The following PRKACB variants were observed in gnomAD, a reference collection of about 807,000 sequenced individuals.
PRKACB encodes protein kinase cAMP-activated catalytic subunit beta.
In PRKACB, 16 loss-of-function variants were observed where a neutral mutation model predicts 51.4. That is an observed-to-expected ratio of 0.31 (90% CI 0.21 to 0.47). PRKACB has a LOEUF of 0.47. Ranked by LOEUF, PRKACB falls within the 20% of genes least tolerant of loss-of-function variation. PRKACB has a pLI of 1.00. For synonymous variants in PRKACB, 147 were observed against 154.4 expected, an observed-to-expected ratio of 0.95 and a Z score of 0.35; for missense variants, 309 against 464.5, an observed-to-expected ratio of 0.67 and a Z score of 3.08.
At chr1:84,223,382 T>C (rs1299883344) in intron 9 of PRKACB, among the ~76,000 whole-genome samples, 55 of 150,230 alleles carry the variant, frequency 3.7e-4, no homozygotes, top group Non-Finnish European at 7.1e-4. Context: ...TTTTTTGTTT[T>C]TTTTGAAATG....
At chr1:84,205,187 T>C in intron 8 of PRKACB, 1 of 984,132 alleles carries the variant, frequency 1.0e-6, no homozygotes, top group Non-Finnish European at 1.2e-6. Flanking sequence ...CCTTTACTCA[T>C]CTAAAGTAGA....
intron 9 of PRKACB, among the ~76,000 whole-genome samples, chr1:84,230,251 G>C (rs1205345959): frequency 5.3e-5 from 8 of 150,634 alleles, no homozygotes; most frequent in Non-Finnish European, 1.0e-4. Context: ...GTAGATATGT[G>C]GCATTATTTC....
At chr1:84,188,342 G>C (rs572615410) in intron 5 of PRKACB, among the ~76,000 whole-genome samples, 27 of 151,490 alleles carry the variant, frequency 1.8e-4, no homozygotes, top group African/African-American at 6.5e-4. Flanking sequence ...TTAGGGTTCT[G>C]GAAATTTTTA....
chr1:84,173,428 G>T lies in PRKACB; in HGVS notation c.188-5749G>T, dbSNP rs1035632327. The T allele has an allele frequency of 1.2e-5, 15 of 1,230,402 alleles. No homozygotes were observed. In the South Asian group the frequency reaches 1.8e-4, roughly 15 times the overall value. 76.2% of individuals were successfully genotyped at this position (1,230,402 alleles called of 1,614,324 possible). A position where few individuals can be genotyped will look rare whatever the true frequency, so the allele number is the denominator to read the frequency against. ...AAGCTAAATTTTTATGAGATATTTT[G>T]TGGCAATTAGAATATTTTGTGTTGA... is the stretch of plus-strand genomic sequence containing the variant. On this transcript the variant is annotated intron_variant, in intron 1 of 9. Transcript: ENST00000370685.
intron 1 of PRKACB, among the ~76,000 whole-genome samples, chr1:84,129,626 TA>T (rs1053515063): frequency 1.7e-4 from 26 of 152,306 alleles, no homozygotes; most frequent in African/African-American, 6.3e-4. Flanking sequence ...ATTAAATTAT[TA>T]AAATCAGAAG....
chr1:84,166,077 A>G (rs1657368131), intron 1 of PRKACB, among the ~76,000 whole-genome samples: 1 of 151,632 alleles, frequency 6.6e-6, no homozygotes, highest in Non-Finnish European at 1.5e-5. Context: ...TACAATATAA[A>G]CCTCTTAAAC....
chr1:84,136,691 G>A (rs917866896), intron 1 of PRKACB, among the ~76,000 whole-genome samples: 9 of 152,104 alleles, frequency 5.9e-5, no homozygotes, highest in African/African-American at 2.2e-4. Context: ...GTATTTAACC[G>A]ATTTAAAAAC....
intron 1 of PRKACB, among the ~76,000 whole-genome samples, chr1:84,112,225 CTTTTTTT>C (rs905575496): frequency 2.1e-3 from 251 of 120,024 alleles, no homozygotes; most frequent in African/African-American, 7.3e-3. Flanking sequence ...TGGACTGCTT[CTTTTTTT>C]TTTTTTTTTT....
At chr1:84,234,888 G>A (rs1382284887) in intron 9 of PRKACB, among the ~76,000 whole-genome samples, 4 of 152,292 alleles carry the variant, frequency 2.6e-5, no homozygotes, top group South Asian at 2.1e-4. Context: ...TGTCCCTCAC[G>A]CTGGGAGCTG....
chr1:84,211,927 G>C (rs1426730898), intron 8 of PRKACB, among the ~76,000 whole-genome samples: 1 of 151,982 alleles, frequency 6.6e-6, no homozygotes, highest in Non-Finnish European at 1.5e-5. Flanking sequence ...TCATAATCTA[G>C]GATAATAAAG....
At chr1:84,221,034 A>T (rs1290318402) in intron 9 of PRKACB, among the ~76,000 whole-genome samples, 1 of 152,054 alleles carries the variant, frequency 6.6e-6, no homozygotes, top group Non-Finnish European at 1.5e-5. Flanking sequence ...CTTCTTTATA[A>T]GGTTGATAGA....
At chr1:84,100,303 C>T (rs1649250202) in intron 1 of PRKACB, among the ~76,000 whole-genome samples, 1 of 152,132 alleles carries the variant, frequency 6.6e-6, no homozygotes. Flanking sequence ...CCTCCCTCAA[C>T]ACGTGGGGAT....
intron 8 of PRKACB, among the ~76,000 whole-genome samples, chr1:84,211,109 C>T (rs950465856): frequency 1.9e-4 from 24 of 125,128 alleles, no homozygotes; most frequent in Non-Finnish European, 3.0e-4. Flanking sequence ...GCTGTCACAA[C>T]CCACCACCAC....
rs796077095 is a variant in PRKACB, at chr1:84,188,582, TAAC to T, written c.560+3401_560+3403del. The stretch of plus-strand genomic sequence containing the variant: ...TTAAGACAATAACCAGAATTATGAA[TAAC>T]GTTAATTTCTCTGAATTTATATAAT... On this transcript the variant is annotated intron_variant, in intron 5 of 9. Transcript: ENST00000370685. Among the ~76,000 whole-genome samples, 183 of 152,072 alleles carry T rather than the reference TAAC, an allele frequency of 1.2e-3. 2 individuals are homozygous for T. The highest frequency in any genetic ancestry group is 4.3e-3 in the African/African-American group (177 of 41,550).
At chr1:84,143,835 A>G (rs1187115414), upstream of PRKACB, among the ~76,000 whole-genome samples, 1 of 152,114 alleles carries the variant, frequency 6.6e-6, no homozygotes, top group Non-Finnish European at 1.5e-5. Flanking sequence ...TTTGTTTTGC[A>G]AGAGTTTTTT....
At chr1:84,091,578 C>A (rs1398815739) in intron 1 of PRKACB, among the ~76,000 whole-genome samples, 1 of 151,788 alleles carries the variant, frequency 6.6e-6, no homozygotes, top group Admixed American at 6.6e-5. Context: ...ATCATGAGTC[C>A]CTGCAACTGC....
intron 1 of PRKACB, among the ~76,000 whole-genome samples, chr1:84,095,247 GTT>G (rs5775776): frequency 7.3e-6 from 1 of 137,154 alleles, no homozygotes; most frequent in Non-Finnish European, 1.6e-5. Context: ...CATATTTGCT[GTT>G]TTTTTTTTTT....
At chr1:84,139,533 G>A (rs1354674521), upstream of PRKACB, among the ~76,000 whole-genome samples, 1 of 152,148 alleles carries the variant, frequency 6.6e-6, no homozygotes, top group Non-Finnish European at 1.5e-5. Context: ...TGCAAGATCT[G>A]TGTGTTGAAA....
intron 1 of PRKACB, among the ~76,000 whole-genome samples, chr1:84,129,229 CT>C (rs1355812190): frequency 6.6e-6 from 1 of 151,822 alleles, no homozygotes; most frequent in Non-Finnish European, 1.5e-5. Flanking sequence ...CAATTATAAA[CT>C]TTTTTAGTTT....
Sources: allele counts gnomAD v4.1 joint callset (sites outside exome capture counted in the v4.1 genomes callset), GRCh38; gene constraint gnomAD v4.1.1; transcripts MANE v1.5; gene names NCBI Gene and HGNC (gene_info 2026-07-23, HGNC 2026-07-21).